Variants in GSG1L observed in about 807,000 individuals in gnomAD.
GSG1L encodes germ cell-specific gene 1-like protein.
A neutral mutation model predicts 42.1 loss-of-function variants in GSG1L; 24 were observed. The ratio of observed to expected loss-of-function variants is 0.57; its 90% confidence interval spans 0.41 to 0.80. The LOEUF is 0.80. Among genes scored for constraint, GSG1L ranks in the 30% least tolerant of loss-of-function variants. GSG1L has a pLI of 0.00. For synonymous variants in GSG1L, 215 were observed against 203.5 expected (o/e 1.06, Z -0.48); for missense variants, 445 against 472.2 (o/e 0.94, Z 0.53).
chr16:27,870,209 G>C (rs1238185711), intron 3 of GSG1L, among the ~76,000 whole-genome samples: 1 of 99,396 alleles, frequency 1.0e-5, no homozygotes, highest in Non-Finnish European at 2.0e-5. Context: ...GTCTCCTTCT[G>C]TTTCTCTTTC....
At chr16:27,967,491 C>T (rs1348977780) in intron 1 of GSG1L, among the ~76,000 whole-genome samples, 1 of 152,214 alleles carries the variant, frequency 6.6e-6, no homozygotes, top group East Asian at 1.9e-4. Flanking sequence ...GGACTCACAC[C>T]TTCCATTACA....
intron 2 of GSG1L, among the ~76,000 whole-genome samples, chr16:27,929,587 C>T (rs1210009536): frequency 6.6e-6 from 1 of 152,192 alleles, no homozygotes; most frequent in Admixed American, 6.5e-5. Flanking sequence ...AGACAGATTC[C>T]AGTGAAGTAG....
intron 3 of GSG1L, among the ~76,000 whole-genome samples, chr16:27,850,284 C>G (rs921543306): frequency 6.6e-6 from 1 of 151,934 alleles, no homozygotes; most frequent in South Asian, 2.1e-4. Context: ...CCACCTTGGT[C>G]CCAAAGTGCT....
Position 27,884,632 on chromosome 16 carries a change from A to G in GSG1L, c.404T>C (p.Leu135Pro). 6.3e-7 allele frequency: 1 copy of G among 1,582,658 alleles called. No individual in the cohort carries two copies. The highest frequency in any genetic ancestry group is 8.6e-7 in the Non-Finnish European group (1 of 1,164,128). ...CACCTCGGAGACCACAGACAGCCAC[A>G]GGACCCCTGTCCAACAGAGGCAGAG... ...DLAPASEKGV[L>P]WLSVVSEVLY... Residue 135 changes from leucine to proline, a missense_variant, in exon 3 of 7, where the codon CTG (leucine) becomes CCG (proline). By Grantham distance (98) the Leu-to-Pro change is moderately conservative. This residue lies in a region of GSG1L where 149 missense variants were observed against 223.3 expected (regional missense o/e 0.67). Transcript: ENST00000447459. This position sits in a 1 kb window ranked among gnomAD's most constrained non-coding sequence, Gnocchi z 4.4.
chr16:28,060,194 G>C (rs935623062), intron 1 of GSG1L, among the ~76,000 whole-genome samples: 3 of 152,054 alleles, frequency 2.0e-5, no homozygotes, highest in Non-Finnish European at 4.4e-5. Flanking sequence ...TTTTGTTCAG[G>C]GGGCTATTGG....
intron 1 of GSG1L, among the ~76,000 whole-genome samples, chr16:27,978,890 C>A (rs1377054743): frequency 6.6e-6 from 1 of 151,966 alleles, no homozygotes; most frequent in East Asian, 1.9e-4. Context: ...TAAAACAAGA[C>A]ATCTTCAGTT....
At chr16:27,804,283 G>A (rs2082930852) in intron 6 of GSG1L, among the ~76,000 whole-genome samples, 1 of 152,008 alleles carries the variant, frequency 6.6e-6, no homozygotes, top group African/African-American at 2.4e-5. Flanking sequence ...CAGCCACCCT[G>A]GTCTCCTGGC....
At chr16:27,973,436 T>C (rs1295335370) in intron 1 of GSG1L, among the ~76,000 whole-genome samples, 15 of 15,316 alleles carry the variant, frequency 9.8e-4, no homozygotes, top group Admixed American at 3.7e-3. Flanking sequence ...AAAGACCCCA[T>C]CACAAAAAAA....
chr16:28,013,610 A>G (rs1334047708), intron 1 of GSG1L, among the ~76,000 whole-genome samples: 1 of 152,214 alleles, frequency 6.6e-6, no homozygotes, highest in African/African-American at 2.4e-5. Flanking sequence ...ACCACGTGCC[A>G]GGTGCCACAC....
intron 1 of GSG1L, among the ~76,000 whole-genome samples, chr16:27,985,774 G>A (rs1271373813): frequency 5.9e-5 from 9 of 152,002 alleles, no homozygotes; most frequent in African/African-American, 1.9e-4. Flanking sequence ...CAGAATTTGC[G>A]GTGAGCCAAG....
chr16:27,966,064 G>A (rs1321473507), intron 1 of GSG1L, among the ~76,000 whole-genome samples: 4 of 152,146 alleles, frequency 2.6e-5, no homozygotes, highest in African/African-American at 9.7e-5. Flanking sequence ...CTGCCTCAGG[G>A]CCTTCGCACT....
At chr16:27,900,341 G>A (rs547089806) in intron 2 of GSG1L, among the ~76,000 whole-genome samples, 6 of 152,320 alleles carry the variant, frequency 3.9e-5, no homozygotes, top group South Asian at 2.1e-4. Flanking sequence ...CCATCTCCAC[G>A]TCATGGAGGT....
chr16:27,819,720 T>C (rs565079879), intron 5 of GSG1L, among the ~76,000 whole-genome samples: 1 of 152,198 alleles, frequency 6.6e-6, no homozygotes, highest in Admixed American at 6.5e-5. Context: ...TCTGAAGTTA[T>C]GATGAGGAAT....
chr16:27,890,110 T>A (rs1446639880), intron 2 of GSG1L, among the ~76,000 whole-genome samples: 1 of 152,178 alleles, frequency 6.6e-6, no homozygotes, highest in African/African-American at 2.4e-5. Context: ...GTTAGCAGGT[T>A]GTTGCCACCG....
chr16:27,965,499 A>T (rs1192293598), intron 1 of GSG1L, among the ~76,000 whole-genome samples: 1 of 152,112 alleles, frequency 6.6e-6, no homozygotes, highest in East Asian at 1.9e-4. Context: ...ACCCTTTCTT[A>T]CAAATAGAAG....
intron 2 of GSG1L, among the ~76,000 whole-genome samples, chr16:27,913,668 A>G (rs563699927): frequency 2.6e-5 from 4 of 152,276 alleles, no homozygotes; most frequent in Admixed American, 2.0e-4. Flanking sequence ...TGTATCATCT[A>G]TGGCTGCTTT....
Position 28,063,246 on chromosome 16 carries a change from G to T in GSG1L, c.179C>A (p.Thr60Lys), listed in dbSNP as rs2086366149. The change falls in exon 1 of 7, where the codon ACG (threonine) becomes AAG (lysine). Residue 60 changes from threonine (T) to lysine (K), a missense_variant. Thr to Lys is a moderately conservative substitution (Grantham distance 78). Around this residue, in one of 3 missense-constraint regions of GSG1L, gnomAD observed 156 missense variants for 128.3 expected, o/e 1.22. Coordinates refer to ENST00000447459, the MANE Select transcript of GSG1L (RefSeq NM_001109763.2). This position sits in a 1 kb window ranked among gnomAD's most constrained non-coding sequence, Gnocchi z 5.8. ...ANCPNSGANA[T>K]ANGTAAPAAA... The stretch of plus-strand genomic sequence containing the variant: ...GGCGGGGGCGGCGGTGCCGTTGGCC[G>T]TGGCGTTGGCGCCCGAGTTGGGGCA... The T allele has an allele frequency of 4.6e-6, 6 of 1,293,422 alleles. No homozygotes were observed. The highest frequency in any genetic ancestry group is 3.4e-5 in the East Asian group (1 of 29,122). 80.1% of individuals were successfully genotyped at this position (1,293,422 alleles called of 1,614,324 possible).
chr16:27,811,933 G>C (rs370139038), intron 5 of GSG1L, among the ~76,000 whole-genome samples: 1 of 152,196 alleles, frequency 6.6e-6, no homozygotes, highest in Non-Finnish European at 1.5e-5. Flanking sequence ...TTACAGGCGT[G>C]AGCCACCATG....
chr16:27,793,857 C>T (rs867517863), intron 6 of GSG1L, among the ~76,000 whole-genome samples: 1 of 152,202 alleles, frequency 6.6e-6, no homozygotes, highest in African/African-American at 2.4e-5. Context: ...CCACCCACTT[C>T]TCTTCTCTCC....
Sources: gnomAD v4.1 joint callset for allele counts (sites outside exome capture counted in the v4.1 genomes callset) on GRCh38, gnomAD v4.1.1 for gene constraint, gnomAD v4.1.1 regional missense constraint, Gnocchi (gnomAD v3.1) non-coding constraint, MANE v1.5 for transcripts, NCBI Gene and HGNC (gene_info 2026-07-23, HGNC 2026-07-21) for gene names.